The following NRDC variants were observed in gnomAD, a reference collection of about 807,000 sequenced individuals.
NRDC encodes the protein nardilysin convertase.
A neutral mutation model predicts 147.1 loss-of-function variants in NRDC; 54 were observed. The observed-to-expected ratio is 0.37, with a 90% CI of 0.29 to 0.46. The LOEUF (loss-of-function observed/expected upper bound fraction) is 0.46, where lower values mean the gene tolerates loss of function less well. Among genes scored for constraint, NRDC ranks in the 20% least tolerant of loss-of-function variants. The probability of loss-of-function intolerance (pLI) is 1.00; values close to 1 mark genes in which losing one functional copy is unlikely to be tolerated. For synonymous variants in NRDC, 440 were observed against 482.1 expected (o/e 0.91, Z 1.14); for missense variants, 1,082 against 1,370.6 (o/e 0.79, Z 3.33).
chr1:51,819,834 T>C lies in NRDC; in HGVS notation c.1257A>G (p.Pro419=). ...GTTTGTTAAATGCTGGTGTGTCAAA[T>C]GGATCCGTTAAATGGCCAAAGTTTG... is the stretch of plus-strand genomic sequence containing the variant. ...PRPNFGHLTD[P]FDTPAFNKLY... is the part of the protein sequence containing the mutation. The change falls in exon 9 of 31, where the codon CCA becomes CCG. Residue 419 remains proline, a synonymous_variant. Transcript: ENST00000352171. 6.2e-7 allele frequency: 1 copy of C among 1,608,304 alleles called. No homozygotes were observed. Among genetic ancestry groups the C allele is most frequent in the Non-Finnish European group, 8.5e-7 (1 of 1,177,116 alleles).
intron 9 of NRDC, among the ~76,000 whole-genome samples, chr1:51,818,472 T>A (rs1680069474): frequency 1.3e-5 from 2 of 152,216 alleles, no homozygotes; most frequent in Non-Finnish European, 2.9e-5. Flanking sequence ...TCTTGCTATA[T>A]GTGCTTACAT....
Position 51,871,964 on chromosome 1 carries a change from C to T in NRDC, c.341+6311G>A, listed in dbSNP as rs570096738. ...TTGACTCACTGCAACCTCTGCCTCC[C>T]GGGTTCAAGCGATTCTCCTGCCTCA... On this transcript the variant is annotated intron_variant, in intron 1 of 30. Transcript: ENST00000352171. Among the ~76,000 whole-genome samples the T allele has an allele frequency of 7.6e-4, 115 of 152,270 alleles. No individual in the cohort carries two copies. The South Asian group carries it at 0.014, about 19-fold the overall frequency.
At position 51,789,752 on chromosome 1, in the gene NRDC, C is replaced by T. The variant is rs113155862; in HGVS notation, c.3169-95G>A. On this transcript the variant is annotated intron_variant, in intron 29 of 30. Transcript: ENST00000352171. ...AGATGTCCCTGGACCTGCTTAGCAT[C>T]TGAAGACCTCATTTTATTCTTCCTA... 5.0e-5 allele frequency: 41 copies of T among 817,640 alleles called. 1 individual carries two copies. Among genetic ancestry groups the T allele is most frequent in the African/African-American group, 3.4e-4 (20 of 59,068 alleles). 50.6% of individuals were successfully genotyped at this position (817,640 alleles called of 1,614,324 possible). A position where few individuals can be genotyped will look rare whatever the true frequency, so the allele number is the denominator to read the frequency against.
intron 1 of NRDC, among the ~76,000 whole-genome samples, chr1:51,858,667 T>A (rs1436847062): frequency 6.6e-6 from 1 of 152,068 alleles, no homozygotes; most frequent in Non-Finnish European, 1.5e-5. Flanking sequence ...CCAGTCTGAG[T>A]CCAAGCACAG....
chr1:51,799,693 T>G (rs373051719), intron 21 of NRDC, among the ~76,000 whole-genome samples: 5 of 152,218 alleles, frequency 3.3e-5, no homozygotes, highest in Admixed American at 2.0e-4. Context: ...CTCAGAAGGA[T>G]ACTTTTTTCT....
intron 9 of NRDC, among the ~76,000 whole-genome samples, chr1:51,819,088 G>A (rs1680098667): frequency 6.6e-6 from 1 of 152,174 alleles, no homozygotes; most frequent in Admixed American, 6.5e-5. Context: ...GATCACTTGA[G>A]GCCAGGAGTT....
intron 5 of NRDC, among the ~76,000 whole-genome samples, chr1:51,826,278 G>A (rs1680441008): frequency 6.6e-6 from 1 of 152,074 alleles, no homozygotes; most frequent in African/African-American, 2.4e-5. Flanking sequence ...CTCCAAAACT[G>A]TAAGAAAATA....
At chr1:51,874,621 A>G (rs1261323542) in intron 1 of NRDC, among the ~76,000 whole-genome samples, 1 of 152,172 alleles carries the variant, frequency 6.6e-6, no homozygotes, top group Non-Finnish European at 1.5e-5. Context: ...AAATAAAAAT[A>G]AAAATAAAAA....
Position 51,798,323 on chromosome 1 carries a change from G to A in NRDC, c.2530C>T (p.Leu844=). The change falls in exon 22 of 31, where the codon CTG becomes TTG. Residue 844 remains leucine (L), a synonymous_variant. Coordinates refer to ENST00000352171, the MANE Select transcript of NRDC (RefSeq NM_001101662.2). ...TTGAATTCTTTGACGAAGCTCAGCA[G>A]AGACTCAAGGGAAAGGCCGTCCATC... ...ALMDGLSLES[L]LSFVKEFKSQ... is the part of the protein sequence containing the mutation. 6.2e-7 allele frequency: 1 copy of A among 1,614,122 alleles called. No homozygotes were observed. Among genetic ancestry groups the A allele is most frequent in the Non-Finnish European group, 8.5e-7 (1 of 1,179,982 alleles).
At chr1:51,837,245 ATTGTT>A (rs1681032462) in intron 2 of NRDC, among the ~76,000 whole-genome samples, 1 of 152,218 alleles carries the variant, frequency 6.6e-6, no homozygotes, top group Middle Eastern at 3.2e-3. Context: ...GGTGAAACAG[ATTGTT>A]TTAATAAACA....
At chr1:51,799,361 C>G (rs1679082131) in intron 21 of NRDC, among the ~76,000 whole-genome samples, 1 of 152,038 alleles carries the variant, frequency 6.6e-6, no homozygotes, top group Admixed American at 6.6e-5. Context: ...CCCCACCCCC[C>G]AACAGGCCCT....
At chr1:51,862,287 G>C (rs1682580836) in intron 1 of NRDC, 1 of 152,154 alleles carries the variant, frequency 6.6e-6, no homozygotes, top group South Asian at 2.1e-4. Flanking sequence ...AGAAGCAGTG[G>C]CTCATGCCTG....
In NRDC at chr1:51,829,430, C is replaced by T. The variant is rs149236595; in HGVS notation, c.867-1561G>A. On this transcript the variant is annotated intron_variant, in intron 4 of 30. Coordinates refer to ENST00000352171, the MANE Select transcript of NRDC (RefSeq NM_001101662.2). ...TTGGTAGTTATTTTCCTTCAGAGCA[C>T]GAAGTTGAGTAGTCATCTGTAAGTG... Among the ~76,000 whole-genome samples, 404 of 152,310 alleles carry T rather than the reference C, an allele frequency of 2.7e-3. 4 individuals carry two copies. Among genetic ancestry groups the T allele is most frequent in the African/African-American group, 9.2e-3 (381 of 41,556 alleles).
rs1241875789 is a variant in NRDC at position 51,791,650 on chromosome 1, T to C, written c.2888A>G (p.Tyr963Cys). The change falls in exon 27 of 31, where the codon TAC becomes TGC. Residue 963 changes from tyrosine to cysteine, a missense_variant. Around this residue, in one of 3 missense-constraint regions of NRDC, gnomAD observed 635 missense variants for 923.8 expected, o/e 0.69. Transcript: ENST00000352171. ...CCCGGATGTGTTCCTACAGGTAGGGTAGACATGGTACCTACAAGCCAGAGA... is the reference window on the plus strand; with the variant it reads ...CCCGGATGTGTTCCTACAGGTAGGGCAGACATGGTACCTACAAGCCAGAGA... ...RTKQTLGYHV[Y>C]PTCRNTSGIL... 3 of 1,613,200 alleles carry C rather than the reference T, an allele frequency of 1.9e-6. No homozygotes were observed. The highest frequency in any genetic ancestry group is 2.5e-6 in the Non-Finnish European group (3 of 1,179,492).
At chr1:51,853,430 A>G (rs1351612430) in intron 1 of NRDC, among the ~76,000 whole-genome samples, 1 of 152,144 alleles carries the variant, frequency 6.6e-6, no homozygotes, top group East Asian at 1.9e-4. Context: ...TCTTAGCTGC[A>G]AGTAAATTAA....
chr1:51,847,011 C>G (rs1363312487), intron 1 of NRDC, among the ~76,000 whole-genome samples: 2 of 144,634 alleles, frequency 1.4e-5, no homozygotes, highest in African/African-American at 4.9e-5. Context: ...CATTCACAAA[C>G]CTTGAGATAG....
intron 2 of NRDC, 200 bp from the exon 3 acceptor site, chr1:51,836,412 C>A (rs764211157): frequency 1.1e-5 from 17 of 1,613,794 alleles, no homozygotes; most frequent in Non-Finnish European, 1.4e-5. Flanking sequence ...CGCTTGCCAT[C>A]CTGCCAAATG....
At chr1:51,838,119 T>C (rs762997897) in intron 2 of NRDC, among the ~76,000 whole-genome samples, 8 of 152,194 alleles carry the variant, frequency 5.3e-5, no homozygotes, top group Non-Finnish European at 7.4e-5. Context: ...TCAAAACAAT[T>C]TCTCGTCTTC....
chr1:51,846,113 A>G (rs1681560419), intron 1 of NRDC, among the ~76,000 whole-genome samples: 1 of 149,716 alleles, frequency 6.7e-6, no homozygotes, highest in African/African-American at 2.5e-5. Flanking sequence ...TTTACACTTT[A>G]TAATTTTTTT....
Sources: gnomAD v4.1 joint callset for allele counts (sites outside exome capture counted in the v4.1 genomes callset) on GRCh38, gnomAD v4.1.1 for gene constraint, gnomAD v4.1.1 regional missense constraint, MANE v1.5 for transcripts, NCBI Gene and HGNC (gene_info 2026-07-23, HGNC 2026-07-21) for gene names.